The following ORC5 variants were observed in gnomAD, a reference collection of about 807,000 sequenced individuals.
The protein encoded by ORC5 is protein phosphatase 1, regulatory subunit 117.
A neutral mutation model predicts 58.8 loss-of-function variants in ORC5; 39 were observed. The observed-to-expected ratio is 0.66, with a 90% CI of 0.51 to 0.87. The LOEUF is 0.87. ORC5 is among the 40% of genes least tolerant of loss of function. ORC5 has a pLI of 0.00. For synonymous variants in ORC5, 218 were observed against 177.6 expected, an observed-to-expected ratio of 1.23 and a Z score of -1.81; for missense variants, 493 against 506.3, an observed-to-expected ratio of 0.97 and a Z score of 0.25.
intron 8 of ORC5, among the ~76,000 whole-genome samples, chr7:104,172,229 T>C (rs976110338): frequency 1.3e-5 from 2 of 152,254 alleles, no homozygotes; most frequent in East Asian, 3.8e-4. Context: ...TGGACACAAT[T>C]GAATTTAGGT....
chr7:104,148,618 T>G (rs904912401), intron 12 of ORC5, among the ~76,000 whole-genome samples: 1 of 152,186 alleles, frequency 6.6e-6, no homozygotes, highest in African/African-American at 2.4e-5. Context: ...ATGTATGAGT[T>G]TGATGTCACA....
chr7:104,161,812 C>T (rs1407279289), intron 11 of ORC5, among the ~76,000 whole-genome samples: 2 of 152,120 alleles, frequency 1.3e-5, no homozygotes, highest in Non-Finnish European at 2.9e-5. Context: ...ACTGTTATAA[C>T]CAGGTGTTAA....
chr7:104,176,612 C>T (rs1799327348), intron 8 of ORC5, among the ~76,000 whole-genome samples: 1 of 151,644 alleles, frequency 6.6e-6, no homozygotes, highest in Admixed American at 6.6e-5. Flanking sequence ...GTCTAGCCTC[C>T]CTTTTCCTCA....
At chr7:104,162,120 C>T (rs1030001436) in intron 11 of ORC5, among the ~76,000 whole-genome samples, 5 of 152,084 alleles carry the variant, frequency 3.3e-5, no homozygotes, top group South Asian at 2.1e-4. Context: ...TCATCAGAAA[C>T]GAGACAATGC....
rs115675117 is a variant in ORC5 at position 104,145,505 on chromosome 7, C to A, written c.1150-8612G>T. On this transcript the variant is annotated intron_variant, in intron 12 of 13. Transcript: ENST00000297431. ...TTTAGCACTAATTTACAGAAGGCTT[C>A]TCATTCAATTGAGCTTTGAATTACC... 9.9e-3 allele frequency among the ~76,000 whole-genome samples: 1,506 copies of A among 152,154 alleles called. 28 individuals are homozygous for A. Among genetic ancestry groups the A allele is most frequent in the African/African-American group, 0.034 (1,427 of 41,496 alleles).
intron 12 of ORC5, among the ~76,000 whole-genome samples, chr7:104,145,573 C>T (rs1798741252): frequency 6.6e-6 from 1 of 151,864 alleles, no homozygotes; most frequent in Non-Finnish European, 1.5e-5. Flanking sequence ...AGAGCCTAGA[C>T]AGAGGGTTAG....
chr7:104,144,869 A>G (rs1259088340), intron 12 of ORC5, among the ~76,000 whole-genome samples: 1 of 152,236 alleles, frequency 6.6e-6, no homozygotes, highest in Non-Finnish European at 1.5e-5. Context: ...ATTAATACCT[A>G]TGTAGTCTGA....
At chr7:104,147,590 A>G (rs1798777390) in intron 12 of ORC5, among the ~76,000 whole-genome samples, 2 of 152,226 alleles carry the variant, frequency 1.3e-5, no homozygotes, top group Non-Finnish European at 2.9e-5. Context: ...AAGAGACATC[A>G]TAAAAGGACA....
At chr7:104,148,538 T>C (rs975047557) in intron 12 of ORC5, among the ~76,000 whole-genome samples, 1 of 152,128 alleles carries the variant, frequency 6.6e-6, no homozygotes, top group Non-Finnish European at 1.5e-5. Flanking sequence ...TACAGGCAAA[T>C]GTCCTGCCAC....
chr7:104,159,938 A>G (rs550950582), intron 12 of ORC5, among the ~76,000 whole-genome samples: 1 of 152,326 alleles, frequency 6.6e-6, no homozygotes, highest in South Asian at 2.1e-4. Flanking sequence ...CCAATTTCAG[A>G]CAAAGCTTTT....
chr7:104,172,350 T>C (rs1799228764), intron 8 of ORC5, among the ~76,000 whole-genome samples: 1 of 152,222 alleles, frequency 6.6e-6, no homozygotes, highest in Admixed American at 6.5e-5. Context: ...TTCCATTCTA[T>C]GATTTCTAAA....
intron 1 of ORC5, among the ~76,000 whole-genome samples, chr7:104,207,067 G>C (rs1417009929): frequency 6.6e-6 from 1 of 152,142 alleles, no homozygotes. Context: ...CAGAAGATGG[G>C]GGTATGAGTA....
At chr7:104,155,686 C>A (rs1170693747) in intron 12 of ORC5, among the ~76,000 whole-genome samples, 1 of 147,278 alleles carries the variant, frequency 6.8e-6, no homozygotes, top group African/African-American at 2.4e-5. Context: ...CAATTTTATT[C>A]TCTGGGAAAA....
At chr7:104,132,306 G>A (rs1184022151) in intron 13 of ORC5, among the ~76,000 whole-genome samples, 3 of 152,058 alleles carry the variant, frequency 2.0e-5, no homozygotes, top group African/African-American at 7.3e-5. Flanking sequence ...TACATCATGA[G>A]TTATTTTCCC....
chr7:104,126,584 G>A lies in ORC5; in HGVS notation c.*264C>T. 2.6e-6 allele frequency: 1 copy of A among 389,888 alleles called. No homozygotes were observed. Among genetic ancestry groups the A allele is most frequent in the Non-Finnish European group, 4.6e-6 (1 of 219,508 alleles). 24.2% of individuals were successfully genotyped at this position (389,888 alleles called of 1,614,324 possible). ...TTCAGTGTTAAGATAACATCATTAA[G>A]AGTAGAACAGATTGTGCTCAAACCC... On this transcript the variant is annotated 3_prime_UTR_variant, in exon 14 of 14. Coordinates refer to ENST00000297431, the MANE Select transcript of ORC5 (RefSeq NM_002553.4).
At chr7:104,134,162 C>T (rs906556259) in intron 13 of ORC5, among the ~76,000 whole-genome samples, 1 of 152,006 alleles carries the variant, frequency 6.6e-6, no homozygotes, top group South Asian at 2.1e-4. Flanking sequence ...TGGCTCACAC[C>T]TGTAATCCCA....
intron 3 of ORC5, among the ~76,000 whole-genome samples, chr7:104,199,351 G>A (rs1236134060): frequency 6.6e-6 from 1 of 152,236 alleles, no homozygotes; most frequent in Non-Finnish European, 1.5e-5. Context: ...AGGTGGAGCT[G>A]CACAAGGCCA....
At chr7:104,137,790 A>G (rs1001595540) in intron 12 of ORC5, among the ~76,000 whole-genome samples, 3 of 152,244 alleles carry the variant, frequency 2.0e-5, no homozygotes, top group African/African-American at 7.2e-5. Flanking sequence ...CTCCCCAACC[A>G]TCTGCTGAGA....
chr7:104,204,937 GAAC>G (rs1800037759), intron 1 of ORC5, among the ~76,000 whole-genome samples: 1 of 152,084 alleles, frequency 6.6e-6, no homozygotes, highest in Admixed American at 6.6e-5. Context: ...TTCCTTAAAT[GAAC>G]GCTTTCATTA....
Sources: allele counts gnomAD v4.1 joint callset (sites outside exome capture counted in the v4.1 genomes callset), GRCh38; gene constraint gnomAD v4.1.1; transcripts MANE v1.5; gene names NCBI Gene and HGNC (gene_info 2026-07-23, HGNC 2026-07-21).